The following NBAS variants were observed in gnomAD, a reference collection of about 807,000 sequenced individuals.
NBAS encodes NBAS subunit of NRZ tethering complex.
Under a neutral mutation model 302.5 loss-of-function variants are expected in NBAS, and 219 were observed. The ratio of observed to expected loss-of-function variants is 0.72; its 90% CI spans 0.65 to 0.81. The LOEUF (loss-of-function observed/expected upper bound fraction) is 0.81, where lower values mean the gene tolerates loss of function less well. NBAS is among the 30% of genes least tolerant of loss of function. The pLI, the probability that NBAS is intolerant of heterozygous loss-of-function variation, is 0.00. For synonymous variants in NBAS, 1,118 were observed against 1,021.6 expected, an observed-to-expected ratio of 1.09 and a Z score of -1.80; for missense variants, 2,932 against 2,841.6, an observed-to-expected ratio of 1.03 and a Z score of -0.72.
At chr2:15,166,021 G>A (rs1238068668), downstream of NBAS, among the ~76,000 whole-genome samples, 2 of 152,106 alleles carry the variant, frequency 1.3e-5, no homozygotes, top group African/African-American at 4.8e-5. Flanking sequence ...GCTGTGCCTC[G>A]GCTGCTGCTG....
At chr2:14,994,664 G>C in the NBAS span, among the ~76,000 whole-genome samples, 2 of 152,222 alleles carry the variant, frequency 1.3e-5, no homozygotes, top group Non-Finnish European at 2.9e-5. Context: ...AGAGCCTCTA[G>C]CACCTGTAGC....
the NBAS span, among the ~76,000 whole-genome samples, chr2:14,972,453 T>C: frequency 6.6e-6 from 1 of 151,886 alleles, no homozygotes; most frequent in Non-Finnish European, 1.5e-5. Flanking sequence ...ATAAAGAATG[T>C]CAATCAACGT....
At chr2:14,912,319 C>T in the NBAS span, among the ~76,000 whole-genome samples, 1 of 152,158 alleles carries the variant, frequency 6.6e-6, no homozygotes, top group East Asian at 1.9e-4. Context: ...ACTATTTTAA[C>T]AAGAATTCAC....
At chr2:15,101,844 C>T in the NBAS span, among the ~76,000 whole-genome samples, 1 of 152,222 alleles carries the variant, frequency 6.6e-6, no homozygotes, top group Non-Finnish European at 1.5e-5. Context: ...GAAGAACAAA[C>T]CTCAGTCTTC....
chr2:14,828,598 A>G, the NBAS span, among the ~76,000 whole-genome samples: 1 of 152,182 alleles, frequency 6.6e-6, no homozygotes. Flanking sequence ...GATCACTTTA[A>G]TGACTGTGCA....
chr2:15,250,842 C>T (rs371768342), intron 44 of NBAS, among the ~76,000 whole-genome samples: 20 of 152,112 alleles, frequency 1.3e-4, no homozygotes, highest in Non-Finnish European at 2.5e-4. Flanking sequence ...GAAATAGGAA[C>T]GCTTTTACAC....
chr2:14,965,161 G>C, the NBAS span, among the ~76,000 whole-genome samples: 31 of 152,096 alleles, frequency 2.0e-4, 1 homozygote, highest in African/African-American at 7.2e-4. Context: ...AAAGAAAGCA[G>C]AGGAAGATAA....
chr2:15,017,162 T>C, the NBAS span, among the ~76,000 whole-genome samples: 12 of 151,892 alleles, frequency 7.9e-5, no homozygotes, highest in Non-Finnish European at 2.9e-5. Flanking sequence ...ACAAAAATCA[T>C]CTCCAAATGG....
the NBAS span, among the ~76,000 whole-genome samples, chr2:14,915,545 G>C: frequency 6.6e-6 from 1 of 152,030 alleles, no homozygotes; most frequent in Non-Finnish European, 1.5e-5. Flanking sequence ...ACAGTGAATG[G>C]GTCTCACAAG....
At chr2:14,787,822 G>T in the NBAS span, among the ~76,000 whole-genome samples, 3 of 152,254 alleles carry the variant, frequency 2.0e-5, no homozygotes, top group Non-Finnish European at 4.4e-5. Flanking sequence ...TTCTCAAGGA[G>T]TATCTTTGTG....
the NBAS span, among the ~76,000 whole-genome samples, chr2:15,004,758 C>G: frequency 8.6e-5 from 13 of 151,660 alleles, no homozygotes; most frequent in East Asian, 1.9e-4. Context: ...ATCCACCCCC[C>G]CTTGGCTTCC....
At chr2:15,561,005 C>A (rs1406019425) in intron 1 of NBAS, among the ~76,000 whole-genome samples, 183 bp downstream of exon 1, 1 of 151,748 alleles carries the variant, frequency 6.6e-6, no homozygotes, top group Non-Finnish European at 1.5e-5. Flanking sequence ...TCAGGGACCA[C>A]CACCCCACCC....
chr2:15,464,198 T>C (rs1008514906), intron 19 of NBAS, among the ~76,000 whole-genome samples: 2 of 152,208 alleles, frequency 1.3e-5, no homozygotes, highest in Non-Finnish European at 2.9e-5. Context: ...TCATCAACGC[T>C]ACTACATTTC....
intron 29 of NBAS, among the ~76,000 whole-genome samples, chr2:15,381,733 A>G (rs1675044433): frequency 6.6e-6 from 1 of 152,216 alleles, no homozygotes; most frequent in Middle Eastern, 3.2e-3. Context: ...TAGATGCAAA[A>G]GGGGAAGACA....
intron 26 of NBAS, among the ~76,000 whole-genome samples, chr2:15,401,076 T>C (rs988875080): frequency 6.6e-6 from 1 of 152,220 alleles, no homozygotes; most frequent in South Asian, 2.1e-4. Context: ...TGTCTGACTG[T>C]AAGTTATGCC....
intron 44 of NBAS, among the ~76,000 whole-genome samples, chr2:15,245,454 C>G (rs10439227): frequency 0.23 from 34,811 of 152,032 alleles, 4,128 homozygotes; most frequent in Middle Eastern, 0.39. Context: ...CTCCATGAAA[C>G]ATGGCACTCT....
downstream of NBAS, among the ~76,000 whole-genome samples, chr2:15,166,236 C>A (rs779106832): frequency 1.3e-5 from 2 of 152,160 alleles, no homozygotes; most frequent in African/African-American, 4.8e-5. Context: ...TGCACATCAG[C>A]GAACCCTAAG....
rs1234830790 is a variant in NBAS, at chr2:15,425,849, G to A, written c.2424-1381C>T. On this transcript the variant is annotated intron_variant, in intron 22 of 51. Coordinates refer to ENST00000281513, the MANE Select transcript of NBAS (RefSeq NM_015909.4). The stretch of plus-strand genomic sequence containing the variant: ...CTCCTCAGCACCCTTTGATAGAACT[G>A]ACCGCTCCTCCTTCTGGAAATGCCC... Among the ~76,000 whole-genome samples, 4 of 152,112 alleles carry A rather than the reference G, an allele frequency of 2.6e-5. No individual in the cohort carries two copies. The East Asian group carries it at 7.7e-4, about 29-fold the overall frequency.
At chr2:14,982,431 G>C in the NBAS span, among the ~76,000 whole-genome samples, 1 of 152,146 alleles carries the variant, frequency 6.6e-6, no homozygotes, top group East Asian at 1.9e-4. Flanking sequence ...ACATAATATG[G>C]CAAGGGAGTA....
Sources: allele counts gnomAD v4.1 joint callset (sites outside exome capture counted in the v4.1 genomes callset), GRCh38; gene constraint gnomAD v4.1.1; transcripts MANE v1.5; gene names NCBI Gene and HGNC (gene_info 2026-07-23, HGNC 2026-07-21).